The following SPTBN1 variants were observed in gnomAD, a reference collection of about 807,000 sequenced individuals.
SPTBN1 encodes spectrin beta chain, non-erythrocytic 1.
In SPTBN1, 32 loss-of-function variants were observed where a neutral mutation model predicts 266.4. The observed-to-expected ratio is 0.12, with a 90% CI of 0.09 to 0.16. The LOEUF (loss-of-function observed/expected upper bound fraction) is 0.16, where lower values mean the gene tolerates loss of function less well. Ranked by LOEUF, SPTBN1 falls within the 10% of genes least tolerant of loss-of-function variation. SPTBN1 has a pLI of 1.00. For missense variants in SPTBN1, 2,296 were observed against 3,067.1 expected (o/e 0.75, Z 5.94); for synonymous variants, 1,336 against 1,162.2 (o/e 1.15, Z -3.04).
intron 5 of SPTBN1, among the ~76,000 whole-genome samples, chr2:54,616,705 A>T (rs780979671): frequency 6.6e-6 from 1 of 152,182 alleles, no homozygotes; most frequent in South Asian, 2.1e-4. Flanking sequence ...TATCTGTGTC[A>T]GTTTCCCTTT....
At chr2:54,639,524 T>C (rs752727760) in intron 18 of SPTBN1, among the ~76,000 whole-genome samples, 2 of 152,194 alleles carry the variant, frequency 1.3e-5, no homozygotes, top group Non-Finnish European at 2.9e-5. Flanking sequence ...GAGTGAGCAA[T>C]GAGTGGCCAG....
At chr2:54,522,647 A>G (rs1287546258) in intron 1 of SPTBN1, among the ~76,000 whole-genome samples, 2 of 64,402 alleles carry the variant, frequency 3.1e-5, no homozygotes, top group Non-Finnish European at 5.9e-5. Flanking sequence ...AAAGAAAGAA[A>G]GAGAGAGAGA....
Position 54,629,406 on chromosome 2 carries a change from G to A in SPTBN1, c.2272G>A (p.Ala758Thr). Residue 758 changes from alanine to threonine, a missense_variant, in exon 14 of 36, where the codon GCC (alanine) becomes ACC (threonine). Ala to Thr is a moderately conservative substitution (Grantham distance 58, BLOSUM62 0). Transcript: ENST00000356805. ...QFQADADDIDAWMLDILKIVS... is the reference protein window; with the variant it reads ...QFQADADDIDTWMLDILKIVS... ...CCAGGCAGATGCTGATGACATTGAT[G>A]CCTGGATGCTGGACATCCTCAAGAT... 1 of 1,614,140 alleles carries A rather than the reference G, an allele frequency of 6.2e-7. No homozygotes were observed. Among genetic ancestry groups the A allele is most frequent in the Non-Finnish European group, 8.5e-7 (1 of 1,180,050 alleles).
At chr2:54,470,842 G>A (rs1181494049) in intron 1 of SPTBN1, among the ~76,000 whole-genome samples, 3 of 152,042 alleles carry the variant, frequency 2.0e-5, no homozygotes, top group African/African-American at 7.2e-5. Flanking sequence ...GAGTTAATGG[G>A]GCTCATTAAA....
chr2:54,489,653 C>T (rs891766874), intron 1 of SPTBN1, among the ~76,000 whole-genome samples: 2 of 152,140 alleles, frequency 1.3e-5, no homozygotes, highest in African/African-American at 2.4e-5. Context: ...GAGCTGAGAT[C>T]GTGCCACTGC....
chr2:54,612,387 G>A lies in SPTBN1; in HGVS notation c.474+53G>A, dbSNP rs370600060. ...GAACTTAGGCCGACCTCTCAGGTAT[G>A]AGCATTGTTATAGAGCTGGCCTCCC... On this transcript the variant is annotated intron_variant, in intron 4 of 35. Coordinates refer to ENST00000356805, the MANE Select transcript of SPTBN1 (RefSeq NM_003128.3). 3.2e-6 allele frequency: 5 copies of A among 1,554,804 alleles called. No individual in the cohort carries two copies. The African/African-American group carries it at 5.5e-5, about 17-fold the overall frequency.
At chr2:54,544,879 A>T (rs1174776353) in intron 2 of SPTBN1, among the ~76,000 whole-genome samples, 2 of 152,128 alleles carry the variant, frequency 1.3e-5, no homozygotes, top group East Asian at 3.8e-4. Context: ...TGCACCCATC[A>T]ACTCATCATT....
At chr2:54,593,076 T>C (rs115866233) in intron 2 of SPTBN1, among the ~76,000 whole-genome samples, 4,026 of 152,330 alleles carry the variant, frequency 0.026, 93 homozygotes, top group Non-Finnish European at 0.036. Context: ...ATTTCCCTTA[T>C]AATTTACTCC....
chr2:54,614,405 CGTGT>C (rs1239457170), intron 4 of SPTBN1, among the ~76,000 whole-genome samples: 1 of 151,948 alleles, frequency 6.6e-6, no homozygotes, highest in African/African-American at 2.4e-5. Flanking sequence ...TGTGTGCGTG[CGTGT>C]GCTCTCATTG....
intron 24 of SPTBN1, among the ~76,000 whole-genome samples, chr2:54,647,780 C>G (rs1253331154): frequency 1.3e-5 from 2 of 152,134 alleles, no homozygotes; most frequent in South Asian, 2.1e-4. Flanking sequence ...GAGTTTGAGT[C>G]TACAGTGAAC....
intron 2 of SPTBN1, among the ~76,000 whole-genome samples, chr2:54,528,999 G>A (rs1223379327): frequency 1.3e-5 from 2 of 151,988 alleles, no homozygotes; most frequent in Non-Finnish European, 1.5e-5. Flanking sequence ...TGGGACAGAA[G>A]AATCTCTTGA....
At chr2:54,636,178 A>G (rs753530152) in intron 17 of SPTBN1, among the ~76,000 whole-genome samples, 232 of 152,298 alleles carry the variant, frequency 1.5e-3, no homozygotes, top group Middle Eastern at 0.014. Context: ...GCATTATAGT[A>G]TAATTATTTT....
chr2:54,595,085 G>C (rs531983735), intron 2 of SPTBN1, among the ~76,000 whole-genome samples: 2 of 152,080 alleles, frequency 1.3e-5, no homozygotes, highest in Admixed American at 1.3e-4. Context: ...CCACCTCTCA[G>C]CCTCCCAAAG....
At chr2:54,641,050 A>G (rs1472538886) in intron 18 of SPTBN1, among the ~76,000 whole-genome samples, 1 of 152,244 alleles carries the variant, frequency 6.6e-6, no homozygotes, top group Non-Finnish European at 1.5e-5. Flanking sequence ...CAACGATCAA[A>G]GCATTTTTTC....
chr2:54,630,372 A>G (rs1478826019), intron 15 of SPTBN1, among the ~76,000 whole-genome samples: 1 of 152,232 alleles, frequency 6.6e-6, no homozygotes, highest in Non-Finnish European at 1.5e-5. Flanking sequence ...GGACTCTAGC[A>G]TGTTTAACAC....
At chr2:54,482,973 C>T (rs934804834) in intron 1 of SPTBN1, among the ~76,000 whole-genome samples, 5 of 152,200 alleles carry the variant, frequency 3.3e-5, no homozygotes, top group Non-Finnish European at 5.9e-5. Context: ...AGAAAGGCCC[C>T]GTTTAAAGCA....
intron 2 of SPTBN1, among the ~76,000 whole-genome samples, chr2:54,555,534 C>T (rs1178941652): frequency 6.6e-6 from 1 of 152,208 alleles, no homozygotes; most frequent in African/African-American, 2.4e-5. Context: ...GACTGTTGCA[C>T]TAACCACCCA....
chr2:54,589,802 T>C (rs762155126), intron 2 of SPTBN1, among the ~76,000 whole-genome samples: 7 of 152,210 alleles, frequency 4.6e-5, no homozygotes, highest in Non-Finnish European at 7.4e-5. Context: ...GCTCTGTGTA[T>C]TTTGCATGTT....
intron 11 of SPTBN1, 113 bp downstream of exon 11, chr2:54,625,075 G>T: frequency 7.5e-7 from 1 of 1,337,918 alleles, no homozygotes; most frequent in Non-Finnish European, 1.0e-6. Flanking sequence ...CATTATTCTG[G>T]AGGAACGTCA....
Sources: gnomAD v4.1 joint callset for allele counts (sites outside exome capture counted in the v4.1 genomes callset) on GRCh38, gnomAD v4.1.1 for gene constraint, MANE v1.5 for transcripts, NCBI Gene and HGNC (gene_info 2026-07-23, HGNC 2026-07-21) for gene names.